ATXN1: variants seen among roughly 807,000 people sequenced by gnomAD.
ATXN1 encodes ataxin 1, also known as ataxin-1.
Under a neutral mutation model 56.4 loss-of-function variants are expected in ATXN1, and 8 were observed. The observed-to-expected ratio is 0.14, with a 90% CI of 0.08 to 0.26. The LOEUF is 0.26. Ranked by LOEUF, ATXN1 falls within the 10% of genes least tolerant of loss-of-function variation. ATXN1 has a pLI of 1.00. For missense variants in ATXN1, 987 were observed against 1,106.5 expected, an observed-to-expected ratio of 0.89 and a Z score of 1.53; for synonymous variants, 514 against 494.6, an observed-to-expected ratio of 1.04 and a Z score of -0.52.
At chr6:16,495,580 G>A (rs1369501127) in intron 5 of ATXN1, among the ~76,000 whole-genome samples, 4 of 152,146 alleles carry the variant, frequency 2.6e-5, no homozygotes, top group East Asian at 3.8e-4. Flanking sequence ...ATTAGTATTG[G>A]GGCTAGGCGT....
chr6:16,569,658 A>G (rs1030287605), intron 4 of ATXN1, among the ~76,000 whole-genome samples: 4 of 152,162 alleles, frequency 2.6e-5, no homozygotes, highest in African/African-American at 9.7e-5. Context: ...ATGGGAGTAA[A>G]GATGACGTCA....
chr6:16,727,402 A>G (rs147361664), intron 2 of ATXN1, among the ~76,000 whole-genome samples: 7 of 152,314 alleles, frequency 4.6e-5, no homozygotes, highest in African/African-American at 1.7e-4. Flanking sequence ...ACACACAAAA[A>G]AGTTACTACA....
chr6:16,365,068 A>T (rs1037918997), intron 6 of ATXN1, among the ~76,000 whole-genome samples: 3 of 151,616 alleles, frequency 2.0e-5, no homozygotes, highest in Non-Finnish European at 4.4e-5. Context: ...ATATATATAT[A>T]TTTTATTACA....
intron 4 of ATXN1, among the ~76,000 whole-genome samples, chr6:16,579,491 CCA>C (rs202051135): frequency 0.028 from 1,184 of 41,794 alleles, 240 homozygotes; most frequent in East Asian, 0.11. Flanking sequence ...CCCCCCCCCC[CCA>C]CCCGCCGATT....
chr6:16,427,989 A>G (rs1243912169), intron 6 of ATXN1, among the ~76,000 whole-genome samples: 4 of 152,200 alleles, frequency 2.6e-5, no homozygotes, highest in Admixed American at 2.6e-4. Flanking sequence ...TCAAAGGAAC[A>G]GATTTTATGT....
intron 6 of ATXN1, among the ~76,000 whole-genome samples, chr6:16,468,171 A>C (rs781250079): frequency 1.6e-4 from 25 of 152,164 alleles, no homozygotes; most frequent in Non-Finnish European, 3.2e-4. Flanking sequence ...ACTGGTTTTT[A>C]TTATTATTTT....
At chr6:16,700,348 C>G (rs1490651610) in intron 2 of ATXN1, among the ~76,000 whole-genome samples, 1 of 152,142 alleles carries the variant, frequency 6.6e-6, no homozygotes, top group Non-Finnish European at 1.5e-5. Context: ...CCTGATTTGC[C>G]TCTGCCCCTG....
rs145540867 is a variant in ATXN1, at chr6:16,484,244, G to A, written c.-161+1728C>T. 4.3e-3 allele frequency among the ~76,000 whole-genome samples: 656 copies of A among 152,104 alleles called. 13 individuals carry two copies. Among genetic ancestry groups the A allele is most frequent in the East Asian group, 0.043 (221 of 5,172 alleles). On this transcript the variant is annotated intron_variant, in intron 6 of 7. Transcript: ENST00000436367. ...GCTCAGTAGTTCAAGACCAGCCTGA[G>A]CAACATGGTGAAACTCTGTCTCTAC...
intron 3 of ATXN1, chr6:16,614,970 CA>C (rs1457905939): frequency 1.7e-4 from 26 of 151,118 alleles, no homozygotes; most frequent in African/African-American, 6.1e-4. Context: ...ATACAAATGA[CA>C]AATTTTCTAG....
intron 4 of ATXN1, among the ~76,000 whole-genome samples, chr6:16,564,098 G>C (rs1336643951): frequency 1.3e-5 from 2 of 152,166 alleles, no homozygotes; most frequent in Non-Finnish European, 2.9e-5. Flanking sequence ...TCCAGGCTTA[G>C]CAGCCTCTCT....
chr6:16,489,439 C>G (rs985891114), intron 5 of ATXN1, among the ~76,000 whole-genome samples: 1 of 152,206 alleles, frequency 6.6e-6, no homozygotes, highest in African/African-American at 2.4e-5. Flanking sequence ...CCTTTCTATT[C>G]TGTTCTTCCA....
intron 2 of ATXN1, among the ~76,000 whole-genome samples, chr6:16,719,960 T>C (rs1759713995): frequency 6.6e-6 from 1 of 152,198 alleles, no homozygotes. Flanking sequence ...CAAATTCCTG[T>C]TGTTTTAACC....
chr6:16,619,166 G>A (rs1446305112), intron 3 of ATXN1, among the ~76,000 whole-genome samples: 57 of 151,816 alleles, frequency 3.8e-4, no homozygotes, highest in African/African-American at 7.3e-5. Flanking sequence ...TGTCCAGAGT[G>A]CAGACACATG....
chr6:16,575,570 T>C (rs921401800), intron 4 of ATXN1, among the ~76,000 whole-genome samples: 5 of 152,246 alleles, frequency 3.3e-5, no homozygotes, highest in African/African-American at 1.2e-4. Context: ...TTGTCCCTCA[T>C]GTCTTAAGAC....
chr6:16,552,520 G>T (rs944349737), intron 4 of ATXN1, among the ~76,000 whole-genome samples: 3 of 152,158 alleles, frequency 2.0e-5, no homozygotes, highest in African/African-American at 7.2e-5. Flanking sequence ...AATTTATCAG[G>T]TAGAGAAATT....
intron 6 of ATXN1, among the ~76,000 whole-genome samples, chr6:16,359,260 G>T (rs1761757630): frequency 6.6e-6 from 1 of 152,178 alleles, no homozygotes; most frequent in African/African-American, 2.4e-5. Context: ...GGGCCGGGCT[G>T]CCAGTCCTGC....
At chr6:16,308,322 T>TCACACACACACACACACACACACACA (rs35291830) in intron 7 of ATXN1, among the ~76,000 whole-genome samples, 4 of 132,650 alleles carry the variant, frequency 3.0e-5, no homozygotes, top group East Asian at 2.6e-4. Flanking sequence ...TGAAACTCCG[T>TCACACACACACACACACACACACACA]CACACACACA....
intron 2 of ATXN1, among the ~76,000 whole-genome samples, chr6:16,736,181 A>C (rs1416768283): frequency 6.6e-6 from 1 of 152,372 alleles, no homozygotes; most frequent in Non-Finnish European, 1.5e-5. Flanking sequence ...GAGCATGTTC[A>C]ATCTACAGCT....
rs926116829 is a variant in ATXN1 at position 16,306,554 on chromosome 6, A to G, written c.2223T>C (p.Asn741=). ...TTTTCTCTGGAAACTTCAGTTCGCC[A>G]TTCTCAGAGAGCATCTGGGCACTCC... ...NQGSAQMLSE[N]GELKFPEKMG... The change falls in exon 8 of 8, where the codon AAT becomes AAC. Residue 741 remains asparagine (N), a synonymous_variant. Transcript: ENST00000436367. This position sits in a 1 kb window ranked among gnomAD's most constrained non-coding sequence, Gnocchi z 5.2. 1.2e-6 allele frequency: 2 copies of G among 1,614,226 alleles called. No individual in the cohort carries two copies. Among genetic ancestry groups the G allele is most frequent in the African/African-American group, 1.3e-5 (1 of 75,058 alleles).
Sources: gnomAD v4.1 joint callset for allele counts (sites outside exome capture counted in the v4.1 genomes callset) on GRCh38, gnomAD v4.1.1 for gene constraint, Gnocchi (gnomAD v3.1) non-coding constraint, MANE v1.5 for transcripts, NCBI Gene and HGNC (gene_info 2026-07-23, HGNC 2026-07-21) for gene names.